The following SYTL3 variants were observed in gnomAD, a reference collection of about 807,000 sequenced individuals.
SYTL3 encodes synaptotagmin-like protein 3.
SYTL3 carries 88 observed loss-of-function variants against 82.1 expected under a neutral mutation model. The ratio of observed to expected loss-of-function variants is 1.07; its 90% CI spans 0.90 to 1.28. SYTL3 has a LOEUF of 1.28. Among genes scored for constraint, SYTL3 ranks in the 50% most tolerant of loss-of-function variants. The pLI is 0.00. For missense variants in SYTL3, 831 were observed against 757.6 expected (o/e 1.10, Z -1.14); for synonymous variants, 311 against 289.4 (o/e 1.07, Z -0.76).
chr6:158,718,858 A>T (rs935895251), intron 10 of SYTL3, among the ~76,000 whole-genome samples: 2 of 152,172 alleles, frequency 1.3e-5, no homozygotes, highest in African/African-American at 4.8e-5. Context: ...TGTTGCTTGC[A>T]GTGTTGATGT....
At position 158,725,794 on chromosome 6, in the gene SYTL3, G is replaced by A. The variant is rs900332589; in HGVS notation, c.855+157G>A. On this transcript the variant is annotated intron_variant, in intron 11 of 17. Transcript: ENST00000611299. ...TTATCCATCCTTCCATTCCTTAAAG[G>A]CTTCCACAGGTTTTAGTAAAGTTGC... 8 of 1,031,370 alleles carry A rather than the reference G, an allele frequency of 7.8e-6. No individual in the cohort carries two copies. In the African/African-American group the frequency reaches 1.3e-4, roughly 17 times the overall value. The allele number at this position is 1,031,370 out of a possible 1,614,324, so 63.9% of individuals were successfully genotyped here. A position where few individuals can be genotyped will look rare whatever the true frequency, so the allele number is the denominator to read the frequency against.
chr6:158,712,931 T>G (rs1782923630), intron 8 of SYTL3, among the ~76,000 whole-genome samples: 1 of 152,006 alleles, frequency 6.6e-6, no homozygotes, highest in South Asian at 2.1e-4. Flanking sequence ...GCTAATTTTT[T>G]TTTGTATTTT....
chr6:158,647,011 G>C (rs956991051), upstream of SYTL3, among the ~76,000 whole-genome samples: 1 of 152,180 alleles, frequency 6.6e-6, no homozygotes, highest in African/African-American at 2.4e-5. Flanking sequence ...TATGTGCAAA[G>C]CAAGAGTAAA....
At chr6:158,651,156 A>C (rs1787961752) in intron 1 of SYTL3, among the ~76,000 whole-genome samples, 1 of 152,192 alleles carries the variant, frequency 6.6e-6, no homozygotes, top group African/African-American at 2.4e-5. Context: ...TTTACTTCAT[A>C]ATGTGGCAAT....
intron 1 of SYTL3, among the ~76,000 whole-genome samples, chr6:158,650,769 C>T (rs1787905593): frequency 6.8e-6 from 1 of 147,398 alleles, no homozygotes. Flanking sequence ...ATGATGAAAC[C>T]CCATCTCTAA....
At chr6:158,649,114 G>T (rs1787714790), upstream of SYTL3, among the ~76,000 whole-genome samples, 1 of 152,176 alleles carries the variant, frequency 6.6e-6, no homozygotes, top group Non-Finnish European at 1.5e-5. Flanking sequence ...GCCTCCGCTG[G>T]CATTTGTTCC....
intron 10 of SYTL3, among the ~76,000 whole-genome samples, chr6:158,719,276 C>G (rs1482666284): frequency 6.6e-6 from 1 of 152,128 alleles, no homozygotes; most frequent in Non-Finnish European, 1.5e-5. Context: ...TGCATGCAGC[C>G]TCATTTTACA....
At position 158,757,387 on chromosome 6, in the gene SYTL3, G is replaced by A. The variant is rs201606452; in HGVS notation, c.1308+6G>A. The A allele has an allele frequency of 1.9e-6, 3 of 1,613,682 alleles. No homozygotes were observed. The highest frequency in any genetic ancestry group is 2.2e-5 in the East Asian group (1 of 44,878). The stretch of plus-strand genomic sequence containing the variant: ...GGCATCCGCTCCGGGCCAAGGTGAT[G>A]TCTGGTTTTGGACTGAGTGCCCTCC... On this transcript the variant is annotated splice_donor_region_variant and intron_variant, in intron 14 of 17. Coordinates refer to ENST00000611299, the MANE Select transcript of SYTL3 (RefSeq NM_001242394.2).
chr6:158,712,431 A>G (rs555027208), intron 8 of SYTL3, among the ~76,000 whole-genome samples: 7 of 152,322 alleles, frequency 4.6e-5, no homozygotes, highest in African/African-American at 1.7e-4. Context: ...GGTGTCATTA[A>G]TTAAGTCCAC....
chr6:158,666,194 A>G (rs772881526), intron 5 of SYTL3, among the ~76,000 whole-genome samples: 1 of 152,204 alleles, frequency 6.6e-6, no homozygotes, highest in Non-Finnish European at 1.5e-5. Flanking sequence ...CACTTAATTT[A>G]TCTCCTTCAG....
chr6:158,653,762 G>C (rs550445607), intron 2 of SYTL3, among the ~76,000 whole-genome samples: 6 of 152,288 alleles, frequency 3.9e-5, no homozygotes, highest in African/African-American at 1.4e-4. Flanking sequence ...CCTTGAAAGC[G>C]TGTGTGGTGA....
intron 6 of SYTL3, among the ~76,000 whole-genome samples, chr6:158,702,551 A>AG (rs144433268): frequency 6.6e-6 from 1 of 151,246 alleles, no homozygotes; most frequent in Non-Finnish European, 1.5e-5. Context: ...CAAAAACAAG[A>AG]GGGGGGGAAA....
At position 158,764,414 on chromosome 6, in the gene SYTL3, T is replaced by C. The variant is rs533727780; in HGVS notation, c.1724-81T>C. The C allele has an allele frequency of 1.7e-4, 185 of 1,080,870 alleles. 1 individual carries two copies. In the African/African-American group the frequency reaches 2.3e-3, roughly 14 times the overall value. The allele number at this position is 1,080,870 out of a possible 1,614,324, so 67.0% of individuals were successfully genotyped here. On this transcript the variant is annotated intron_variant, in intron 17 of 17. Transcript: ENST00000611299. ...GGACTTGAGGTGAAAAACTTCTGGCTGGTCATCATTTTTAAAGGGATGAGA... is the reference window on the plus strand; with the variant it reads ...GGACTTGAGGTGAAAAACTTCTGGCCGGTCATCATTTTTAAAGGGATGAGA...
chr6:158,718,051 T>C, intron 9 of SYTL3, 36 bp from the exon 10 acceptor site: 1 of 1,478,722 alleles, frequency 6.8e-7, no homozygotes. Flanking sequence ...CAAAGCTGCT[T>C]GTTCCCACCC....
chr6:158,723,328 A>G (rs9457451), intron 10 of SYTL3, among the ~76,000 whole-genome samples: 45,457 of 151,478 alleles, frequency 0.3, 7,838 homozygotes, highest in South Asian at 0.46. Flanking sequence ...TGCCTGCCTC[A>G]GCCTCCCAAA....
chr6:158,760,779 TGTCATTGTCTGC>T lies in SYTL3; in HGVS notation c.1414+35_1414+46del, dbSNP rs746070683. The T allele has an allele frequency of 3.3e-6, 5 of 1,538,054 alleles. No homozygotes were observed. The Admixed American group carries it at 8.4e-5, about 26-fold the overall frequency. On this transcript the variant is annotated intron_variant, in intron 15 of 17. Coordinates refer to ENST00000611299, the MANE Select transcript of SYTL3 (RefSeq NM_001242394.2). ...CCTCCAGCTCCCTGGACATTGTCTG[TGTCATTGTCTGC>T]AGAGCCTGGTGCTGCAGGCAGACTG...
At chr6:158,672,054 G>T (rs913251373) in intron 5 of SYTL3, among the ~76,000 whole-genome samples, 1 of 152,128 alleles carries the variant, frequency 6.6e-6, no homozygotes, top group African/African-American at 2.4e-5. Context: ...ACTTTGGGAG[G>T]CCGAGGTGGG....
At chr6:158,660,486 G>A (rs989164507) in intron 2 of SYTL3, among the ~76,000 whole-genome samples, 5 of 152,228 alleles carry the variant, frequency 3.3e-5, no homozygotes, top group African/African-American at 1.2e-4. Context: ...CCACAGGCGG[G>A]GGTTTGGGAA....
intron 5 of SYTL3, among the ~76,000 whole-genome samples, chr6:158,674,319 A>G (rs957030477): frequency 1.3e-5 from 2 of 152,060 alleles, no homozygotes; most frequent in African/African-American, 4.8e-5. Context: ...TTGTAGTCCC[A>G]CCGTCTCTTC....
Sources: gnomAD v4.1 joint callset for allele counts (sites outside exome capture counted in the v4.1 genomes callset) on GRCh38, gnomAD v4.1.1 for gene constraint, MANE v1.5 for transcripts, NCBI Gene and HGNC (gene_info 2026-07-23, HGNC 2026-07-21) for gene names.